GDI2: variants seen among roughly 807,000 people sequenced by gnomAD.
GDI2 encodes the protein GDP dissociation inhibitor 2, also known as rab GDP dissociation inhibitor beta.
GDI2 carries 22 observed loss-of-function variants against 54.2 expected under a neutral mutation model. The observed-to-expected ratio is 0.41, with a 90% CI of 0.29 to 0.58. The LOEUF (loss-of-function observed/expected upper bound fraction) is 0.58. Ranked by LOEUF, GDI2 falls within the 20% of genes least tolerant of loss-of-function variation. GDI2 has a pLI of 0.35. For missense variants in GDI2, 422 were observed against 546.0 expected (o/e 0.77, Z 2.26); for synonymous variants, 177 against 182.1 (o/e 0.97, Z 0.23).
At chr10:5,802,829 A>G (rs1841299369) in intron 1 of GDI2, among the ~76,000 whole-genome samples, 1 of 152,214 alleles carries the variant, frequency 6.6e-6, no homozygotes, top group African/African-American at 2.4e-5. Context: ...AGGAAAAAAG[A>G]GGAATTCAAA....
chr10:5,768,130 C>T lies in GDI2; in HGVS notation c.991+83G>A. The T allele has an allele frequency of 8.3e-7, 1 of 1,204,886 alleles. No individual in the cohort carries two copies. Among genetic ancestry groups the T allele is most frequent in the African/African-American group, 1.5e-5 (1 of 66,604 alleles). The allele number at this position is 1,204,886 out of a possible 1,614,324, so 74.6% of individuals were successfully genotyped here. ...AAGGTCTGTTCACTAATACAGCATA[C>T]AAAATTAGGAATTTGGGATAAAACA... On this transcript the variant is annotated intron_variant, in intron 8 of 10. Transcript: ENST00000380191. The surrounding 1 kb of genome is among the most constrained non-coding windows in gnomAD (Gnocchi z 4.4).
intron 4 of GDI2, among the ~76,000 whole-genome samples, chr10:5,787,211 A>C (rs1840898793): frequency 1.3e-5 from 2 of 152,196 alleles, no homozygotes; most frequent in South Asian, 4.1e-4. Context: ...GAAAATTAAA[A>C]CCATGAGGCT....
At chr10:5,792,773 A>C (rs2175630) in intron 4 of GDI2, among the ~76,000 whole-genome samples, 46,463 of 151,048 alleles carry the variant, frequency 0.31, 7,673 homozygotes, top group East Asian at 0.36. Context: ...AGTAAGAATG[A>C]GACCAAGACT....
intron 7 of GDI2, among the ~76,000 whole-genome samples, chr10:5,770,128 G>A (rs978394714): frequency 7.9e-5 from 12 of 152,208 alleles, no homozygotes; most frequent in Non-Finnish European, 1.6e-4. Flanking sequence ...CTAGTCACAA[G>A]AAGGCAAATA....
At chr10:5,794,183 AAAAAAATATATATATATAT>A (rs1321185033) in intron 4 of GDI2, among the ~76,000 whole-genome samples, 4 of 53,142 alleles carry the variant, frequency 7.5e-5, no homozygotes, top group Non-Finnish European at 1.4e-4. Context: ...AAAAAAAAAA[AAAAAAATATATATATATAT>A]ATATATATAT....
intron 7 of GDI2, among the ~76,000 whole-genome samples, chr10:5,770,570 A>T (rs1840463997): frequency 6.6e-6 from 1 of 151,490 alleles, no homozygotes; most frequent in South Asian, 2.1e-4. Flanking sequence ...TCAAAAAAAA[A>T]GAAGAGGAAA....
rs559124597 is a variant in GDI2 at position 5,776,858 on chromosome 10, A to G, written c.720-2917T>C. ...GATATTCTGAAAGGATTTATGAATA[A>G]TTAAAATGGAAGGCCAGAGAAGAGG... On this transcript the variant is annotated intron_variant, in intron 6 of 10. Transcript: ENST00000380191. This position sits in a 1 kb window ranked among gnomAD's most constrained non-coding sequence, Gnocchi z 5.3. The G allele has an allele frequency of 3.2e-5, 39 of 1,208,020 alleles. No individual in the cohort carries two copies. In the African/African-American group the frequency reaches 5.1e-4, roughly 16 times the overall value. 74.8% of individuals were successfully genotyped at this position (1,208,020 alleles called of 1,614,324 possible).
chr10:5,787,685 G>GT, intron 4 of GDI2, among the ~76,000 whole-genome samples: 1 of 152,252 alleles, frequency 6.6e-6, no homozygotes. Flanking sequence ...AAGTGTAGTT[G>GT]TAAGAGCTGG....
Position 5,766,727 on chromosome 10 carries a change from G to T in GDI2, c.992-89C>A. The T allele has an allele frequency of 9.7e-7, 1 of 1,033,572 alleles. No homozygotes were observed. The highest frequency in any genetic ancestry group is 1.5e-6 in the Non-Finnish European group (1 of 677,902). 64.0% of individuals were successfully genotyped at this position (1,033,572 alleles called of 1,614,324 possible). A position where few individuals can be genotyped will look rare whatever the true frequency, so the allele number is the denominator to read the frequency against. On this transcript the variant is annotated intron_variant, in intron 8 of 10. Transcript: ENST00000380191. The surrounding 1 kb of genome is among the most constrained non-coding windows in gnomAD (Gnocchi z 5.8). ...GTATCACCCATATGTCATGAGGTGT[G>T]AGTTAAAATTACTCTCAATAGGCAA... is the stretch of plus-strand genomic sequence containing the variant.
chr10:5,785,324 G>T (rs543150268), intron 5 of GDI2, 51 bp from the exon 6 acceptor site: 97 of 1,343,740 alleles, frequency 7.2e-5, no homozygotes, highest in Middle Eastern at 3.8e-4. Flanking sequence ...TTCATTCATG[G>T]TGTTCAATTT....
chr10:5,799,148 C>G (rs552071514), intron 2 of GDI2, among the ~76,000 whole-genome samples: 1 of 151,824 alleles, frequency 6.6e-6, no homozygotes, highest in South Asian at 2.1e-4. Flanking sequence ...TTGAGACCAG[C>G]CTGGGCAACA....
chr10:5,767,276 T>G (rs1840367417), intron 8 of GDI2, among the ~76,000 whole-genome samples: 1 of 151,922 alleles, frequency 6.6e-6, no homozygotes, highest in Non-Finnish European at 1.5e-5. Flanking sequence ...TGTGGAAGAT[T>G]AAGTCCAGTC....
At chr10:5,782,220 T>C (rs1336539626) in intron 6 of GDI2, among the ~76,000 whole-genome samples, 1 of 152,132 alleles carries the variant, frequency 6.6e-6, no homozygotes, top group South Asian at 2.1e-4. Flanking sequence ...AATAAGCTCA[T>C]GAAAAGGTGA....
At chr10:5,789,937 T>A (rs142025332) in intron 4 of GDI2, among the ~76,000 whole-genome samples, 4 of 152,350 alleles carry the variant, frequency 2.6e-5, no homozygotes, top group African/African-American at 9.6e-5. Context: ...TATGTGACAA[T>A]AATCATCTCT....
chr10:5,766,118 T>C lies in GDI2; in HGVS notation c.1226A>G (p.His409Arg). 6.2e-7 allele frequency: 1 copy of C among 1,613,116 alleles called. No individual in the cohort carries two copies. The highest frequency in any genetic ancestry group is 8.5e-7 in the Non-Finnish European group (1 of 1,179,284). ...FISRTYDATT[H>R]FETTCDDIKN... is the part of the protein sequence containing the mutation. ...AATGTCATCACACGTTGTCTCAAAA[T>C]GAGTGGTGGCATCATATGTGCGGGA... The change falls in exon 11 of 11, where the codon CAT becomes CGT. Residue 409 changes from histidine (H) to arginine (R), a missense_variant. Physicochemically the swap from His to Arg is conservative, Grantham distance 29. Coordinates refer to ENST00000380191, the MANE Select transcript of GDI2 (RefSeq NM_001494.4). The surrounding 1 kb of genome is among the most constrained non-coding windows in gnomAD (Gnocchi z 5.8).
chr10:5,796,583 C>G (rs1159048452), intron 3 of GDI2, among the ~76,000 whole-genome samples, 180 bp downstream of exon 3: 1 of 152,138 alleles, frequency 6.6e-6, no homozygotes, highest in African/African-American at 2.4e-5. Context: ...AGTCACAACC[C>G]CTTCCTTCCT....
At chr10:5,802,268 G>A (rs1461133402) in intron 1 of GDI2, among the ~76,000 whole-genome samples, 2 of 152,122 alleles carry the variant, frequency 1.3e-5, no homozygotes, top group South Asian at 2.1e-4. Flanking sequence ...TAACTGACAC[G>A]TGCTGCCAAT....
chr10:5,810,449 C>A (rs2131725822), intron 1 of GDI2, among the ~76,000 whole-genome samples: 1 of 152,122 alleles, frequency 6.6e-6, no homozygotes, highest in East Asian at 1.9e-4. Context: ...ATGCTGAAAG[C>A]AGAGAAAAGT....
At chr10:5,781,826 C>G (rs1220770210) in intron 6 of GDI2, among the ~76,000 whole-genome samples, 2 of 151,846 alleles carry the variant, frequency 1.3e-5, no homozygotes, top group Non-Finnish European at 2.9e-5. Flanking sequence ...CCAGCCTGTT[C>G]AATAACGGCA....
Sources: allele counts gnomAD v4.1 joint callset (sites outside exome capture counted in the v4.1 genomes callset), GRCh38; gene constraint gnomAD v4.1.1; non-coding constraint Gnocchi (gnomAD v3.1); transcripts MANE v1.5; gene names NCBI Gene and HGNC (gene_info 2026-07-23, HGNC 2026-07-21).